GALK2: variants seen among roughly 807,000 people sequenced by gnomAD.
GALK2 encodes galactokinase 2.
In GALK2, 36 loss-of-function variants were observed where a neutral mutation model predicts 52.4. That is an observed-to-expected ratio of 0.69 (90% CI 0.53 to 0.91). GALK2 has a LOEUF of 0.91. GALK2 is among the 40% of genes least tolerant of loss of function. GALK2 has a pLI of 0.00. For missense variants in GALK2, 579 were observed against 559.1 expected, an observed-to-expected ratio of 1.04 and a Z score of -0.36; for synonymous variants, 176 against 199.1, an observed-to-expected ratio of 0.88 and a Z score of 0.98.
At chr15:49,174,057 T>G (rs1273824670) in intron 1 of GALK2, among the ~76,000 whole-genome samples, 1 of 152,170 alleles carries the variant, frequency 6.6e-6, no homozygotes, top group Admixed American at 6.5e-5. Flanking sequence ...TTTTAAGGGC[T>G]GAGAGTATTT....
intron 2 of GALK2, among the ~76,000 whole-genome samples, chr15:49,203,478 C>T (rs1225465719): frequency 6.6e-6 from 1 of 152,224 alleles, no homozygotes; most frequent in East Asian, 1.9e-4. Context: ...AACAGGTTGT[C>T]TCTTCACTCT....
At chr15:49,174,789 T>C (rs2085332299) in intron 1 of GALK2, among the ~76,000 whole-genome samples, 1 of 152,208 alleles carries the variant, frequency 6.6e-6, no homozygotes, top group Non-Finnish European at 1.5e-5. Context: ...CATTTTATAA[T>C]TTATGCATTG....
At chr15:49,349,669 T>TA (rs1239010062) in intron 3 of GALK2, among the ~76,000 whole-genome samples, 1 of 152,108 alleles carries the variant, frequency 6.6e-6, no homozygotes, top group Admixed American at 6.5e-5. Context: ...TGATCAGAAA[T>TA]ATTCTAACTG....
chr15:49,192,523 A>ATATATATATG (rs2086844510), intron 1 of GALK2, among the ~76,000 whole-genome samples: 1 of 119,012 alleles, frequency 8.4e-6, no homozygotes, highest in Non-Finnish European at 1.8e-5. Flanking sequence ...ATATATATAT[A>ATATATATATG]TAGTTGGAGG....
intron 3 of GALK2, among the ~76,000 whole-genome samples, chr15:49,230,568 G>A (rs774794092): frequency 1.3e-5 from 2 of 152,072 alleles, no homozygotes; most frequent in Non-Finnish European, 2.9e-5. Flanking sequence ...TATGGAGGAG[G>A]CAAGTACCAG....
intron 1 of GALK2, among the ~76,000 whole-genome samples, chr15:49,176,566 T>C (rs1289179013): frequency 6.6e-6 from 1 of 152,214 alleles, no homozygotes; most frequent in African/African-American, 2.4e-5. Flanking sequence ...TGTTTCTTAT[T>C]TGGATTTTTT....
At chr15:49,355,263 A>T (rs571534834) in intron 3 of GALK2, among the ~76,000 whole-genome samples, 40 of 152,390 alleles carry the variant, frequency 2.6e-4, no homozygotes, top group South Asian at 6.2e-4. Context: ...GAGCTCAGAG[A>T]AGAAGGCTTC....
rs1317732139 is a variant in GALK2, at chr15:49,329,484, T to C, written c.*1325T>C. On this transcript the variant is annotated 3_prime_UTR_variant, in exon 10 of 10. Coordinates refer to ENST00000560031, the MANE Select transcript of GALK2 (RefSeq NM_002044.4). ...TAATGTTTAACTCACAGATTGGGCA[T>C]CACCATCTAGAATTTCAGTTTAAGG... is the stretch of plus-strand genomic sequence containing the variant. 1 of 985,162 alleles carries C rather than the reference T, an allele frequency of 1.0e-6. No individual in the cohort carries two copies. The highest frequency in any genetic ancestry group is 1.7e-5 in the African/African-American group (1 of 57,246). The allele number at this position is 985,162 out of a possible 1,614,324, so 61.0% of individuals were successfully genotyped here.
At chr15:49,278,957 C>T (rs1037712558) in intron 5 of GALK2, among the ~76,000 whole-genome samples, 2 of 152,182 alleles carry the variant, frequency 1.3e-5, no homozygotes, top group African/African-American at 4.8e-5. Context: ...GGCGGCAGGG[C>T]GGAGTGAGTG....
chr15:49,269,727 A>G (rs2030113831), intron 5 of GALK2, among the ~76,000 whole-genome samples: 1 of 152,118 alleles, frequency 6.6e-6, no homozygotes, highest in Non-Finnish European at 1.5e-5. Flanking sequence ...CCAACTTGAG[A>G]TATTAATAGG....
intron 3 of GALK2, among the ~76,000 whole-genome samples, chr15:49,349,450 C>A (rs1056864442): frequency 2.0e-5 from 3 of 152,094 alleles, no homozygotes; most frequent in Non-Finnish European, 4.4e-5. Context: ...TCTCTAAGAG[C>A]AAAATTTAAA....
intron 3 of GALK2, among the ~76,000 whole-genome samples, chr15:49,366,960 T>C (rs1754550609): frequency 6.6e-6 from 1 of 152,212 alleles, no homozygotes; most frequent in African/African-American, 2.4e-5. Context: ...TACCCCTGCT[T>C]CAACCAAAGA....
At chr15:49,215,641 G>A (rs1346449186) in intron 2 of GALK2, among the ~76,000 whole-genome samples, 3 of 152,178 alleles carry the variant, frequency 2.0e-5, no homozygotes, top group Non-Finnish European at 2.9e-5. Flanking sequence ...TCTTCCCTGT[G>A]TTATCTTTAA....
chr15:49,237,632 G>A (rs377633402), intron 4 of GALK2, among the ~76,000 whole-genome samples: 6 of 151,598 alleles, frequency 4.0e-5, no homozygotes, highest in East Asian at 1.9e-4. Flanking sequence ...GCCTGCCACC[G>A]CGCCTGGCTA....
chr15:49,241,754 G>A (rs566710003), intron 5 of GALK2, among the ~76,000 whole-genome samples: 1 of 152,100 alleles, frequency 6.6e-6, no homozygotes, highest in Non-Finnish European at 1.5e-5. Flanking sequence ...GTGAAACTTA[G>A]TTTTTCTATT....
At chr15:49,258,507 G>A (rs1011113186) in intron 5 of GALK2, among the ~76,000 whole-genome samples, 5 of 151,996 alleles carry the variant, frequency 3.3e-5, no homozygotes, top group African/African-American at 1.2e-4. Flanking sequence ...TCCTAACAGT[G>A]ACACAATGAA....
At chr15:49,211,057 C>A (rs2088843618) in intron 2 of GALK2, among the ~76,000 whole-genome samples, 1 of 151,928 alleles carries the variant, frequency 6.6e-6, no homozygotes, top group Admixed American at 6.6e-5. Context: ...CAAACTTGTT[C>A]ACTCTGCTTC....
At chr15:49,263,989 A>G (rs1014774932) in intron 5 of GALK2, among the ~76,000 whole-genome samples, 9,859 of 151,442 alleles carry the variant, frequency 0.065, 408 homozygotes, top group East Asian at 0.18. Context: ...CTTTCTCTCT[A>G]GCTGTCCTTA....
At chr15:49,318,631 A>G (rs897534182) in intron 8 of GALK2, among the ~76,000 whole-genome samples, 3 of 150,948 alleles carry the variant, frequency 2.0e-5, no homozygotes, top group Non-Finnish European at 3.0e-5. Context: ...TAATGCTGCA[A>G]TATATATATA....
Sources: allele counts gnomAD v4.1 joint callset (sites outside exome capture counted in the v4.1 genomes callset), GRCh38; gene constraint gnomAD v4.1.1; transcripts MANE v1.5; gene names NCBI Gene and HGNC (gene_info 2026-07-23, HGNC 2026-07-21).